The following PDE4D variants were observed in gnomAD, a reference collection of about 807,000 sequenced individuals.
PDE4D encodes the protein phosphodiesterase 4D.
PDE4D carries 24 observed loss-of-function variants against 87.4 expected under a neutral mutation model. The ratio of observed to expected loss-of-function variants is 0.27; its 90% confidence interval spans 0.20 to 0.39. The LOEUF (loss-of-function observed/expected upper bound fraction) is 0.39, where lower values mean the gene tolerates loss of function less well. PDE4D is among the 10% of genes least tolerant of loss of function. The probability of loss-of-function intolerance (pLI) is 1.00; values close to 1 mark genes in which losing one functional copy is unlikely to be tolerated. For synonymous variants in PDE4D, 384 were observed against 383.2 expected (o/e 1.00, Z -0.02); for missense variants, 714 against 1,041.0 (o/e 0.69, Z 4.32).
chr5:60,440,866 A>C (rs1432145273), intron 1 of PDE4D, among the ~76,000 whole-genome samples: 1 of 152,072 alleles, frequency 6.6e-6, no homozygotes, highest in East Asian at 1.9e-4. Context: ...GAGTTGAATA[A>C]TTTTTCCAAG....
intron 1 of PDE4D, among the ~76,000 whole-genome samples, chr5:59,827,832 T>G (rs1437453817): frequency 2.0e-5 from 3 of 151,922 alleles, no homozygotes; most frequent in Non-Finnish European, 4.4e-5. Context: ...AAAAATAATA[T>G]CATAAAAGCT....
intron 5 of PDE4D, among the ~76,000 whole-genome samples, chr5:59,110,305 T>A (rs546238554): frequency 6.6e-6 from 1 of 152,282 alleles, no homozygotes; most frequent in South Asian, 2.1e-4. Flanking sequence ...TTCTGGAATA[T>A]AGTTAATTCT....
At chr5:59,227,322 G>A (rs1413377651) in intron 1 of PDE4D, among the ~76,000 whole-genome samples, 2 of 152,096 alleles carry the variant, frequency 1.3e-5, no homozygotes, top group African/African-American at 4.8e-5. Flanking sequence ...TTTGAACATA[G>A]GAACTGGCAA....
intron 1 of PDE4D, among the ~76,000 whole-genome samples, chr5:59,357,343 T>C (rs1205881195): frequency 6.6e-6 from 1 of 152,244 alleles, no homozygotes; most frequent in African/African-American, 2.4e-5. Flanking sequence ...CAAAGATTAC[T>C]AAATTTCACA....
intron 1 of PDE4D, chr5:59,586,447 T>G: frequency 1.9e-6 from 3 of 1,566,314 alleles, no homozygotes; most frequent in Non-Finnish European, 2.6e-6. Flanking sequence ...ACAGATGAAT[T>G]CCAACTCTCT....
At chr5:59,113,001 A>G (rs955011952) in intron 5 of PDE4D, among the ~76,000 whole-genome samples, 2 of 151,826 alleles carry the variant, frequency 1.3e-5, no homozygotes, top group African/African-American at 4.8e-5. Flanking sequence ...GGGTTTCTCC[A>G]TGTTGGTCAG....
chr5:59,842,700 T>C (rs1170146838), intron 1 of PDE4D, among the ~76,000 whole-genome samples: 1 of 152,084 alleles, frequency 6.6e-6, no homozygotes. Context: ...CATATAATAA[T>C]GTCACCAAAT....
intron 6 of PDE4D, among the ~76,000 whole-genome samples, chr5:59,006,359 G>A (rs914334022): frequency 2.0e-5 from 3 of 152,172 alleles, no homozygotes; most frequent in Admixed American, 6.5e-5. Flanking sequence ...GAGGCCAGGA[G>A]GTCGAGACCA....
At chr5:59,760,434 A>G (rs1033394591) in intron 1 of PDE4D, among the ~76,000 whole-genome samples, 3 of 152,196 alleles carry the variant, frequency 2.0e-5, no homozygotes, top group African/African-American at 7.2e-5. Flanking sequence ...TGTGTATACA[A>G]GAATTATAAA....
intron 1 of PDE4D, among the ~76,000 whole-genome samples, chr5:59,514,279 G>A (rs759138400): frequency 2.0e-5 from 3 of 151,726 alleles, no homozygotes; most frequent in South Asian, 4.2e-4. Flanking sequence ...CTAATTTTTC[G>A]TATTTTTAGT....
chr5:59,296,056 C>A (rs1333111199), intron 1 of PDE4D, among the ~76,000 whole-genome samples: 1 of 151,522 alleles, frequency 6.6e-6, no homozygotes, highest in African/African-American at 2.4e-5. Context: ...CACTTTCAAT[C>A]GTGATGCTAA....
intron 1 of PDE4D, among the ~76,000 whole-genome samples, chr5:59,414,331 A>G (rs1043183492): frequency 6.6e-6 from 1 of 152,206 alleles, no homozygotes; most frequent in African/African-American, 2.4e-5. Flanking sequence ...CCATCAGGCC[A>G]CCCAATCCTG....
chr5:59,055,076 T>C (rs1045220192), intron 5 of PDE4D, among the ~76,000 whole-genome samples: 3 of 152,154 alleles, frequency 2.0e-5, no homozygotes, highest in African/African-American at 4.8e-5. Context: ...CTCACTGAAA[T>C]GCCTATAGGA....
chr5:59,177,625 C>T (rs536569834), intron 5 of PDE4D, among the ~76,000 whole-genome samples: 2 of 152,266 alleles, frequency 1.3e-5, no homozygotes, highest in South Asian at 2.1e-4. Flanking sequence ...GATTTGAGTG[C>T]TGGGTAGGCA....
intron 1 of PDE4D, among the ~76,000 whole-genome samples, chr5:60,213,926 T>C (rs1171412301): frequency 6.6e-6 from 1 of 152,188 alleles, no homozygotes; most frequent in African/African-American, 2.4e-5. Context: ...TATAATTTTG[T>C]TTTAATGTTT....
chr5:60,450,995 T>C (rs1215194575), intron 1 of PDE4D, among the ~76,000 whole-genome samples: 1 of 152,058 alleles, frequency 6.6e-6, no homozygotes, highest in Non-Finnish European at 1.5e-5. Flanking sequence ...ACATAGAAGA[T>C]GGGTCAAAAA....
At chr5:60,183,507 G>C (rs2149505789) in intron 2 of PDE4D, among the ~76,000 whole-genome samples, 1 of 152,274 alleles carries the variant, frequency 6.6e-6, no homozygotes, top group Non-Finnish European at 1.5e-5. Context: ...TCTCATGAGA[G>C]GAACTCACTA....
chr5:59,417,243 A>G (rs138500738), intron 1 of PDE4D, among the ~76,000 whole-genome samples: 32 of 152,180 alleles, frequency 2.1e-4, no homozygotes, highest in African/African-American at 7.0e-4. Flanking sequence ...TACTATATCT[A>G]TTGATTATAG....
chr5:60,171,328 G>A (rs936920445), intron 2 of PDE4D, among the ~76,000 whole-genome samples: 2 of 151,970 alleles, frequency 1.3e-5, no homozygotes, highest in African/African-American at 4.8e-5. Context: ...ATATGTACGG[G>A]GAGAGATACT....
Sources: gnomAD v4.1 joint callset for allele counts (sites outside exome capture counted in the v4.1 genomes callset) on GRCh38, gnomAD v4.1.1 for gene constraint, MANE v1.5 for transcripts, NCBI Gene and HGNC (gene_info 2026-07-23, HGNC 2026-07-21) for gene names.